The following LINGO1 variants were observed in gnomAD, a reference collection of about 807,000 sequenced individuals.
LINGO1 encodes leucine rich repeat and Ig domain containing 1.
A neutral mutation model predicts 37.3 loss-of-function variants in LINGO1; 11 were observed. The observed-to-expected ratio is 0.29, with a 90% CI of 0.19 to 0.49. The LOEUF is 0.49. LINGO1 is among the 20% of genes least tolerant of loss of function. The pLI is 0.99. For missense variants in LINGO1, 585 were observed against 878.2 expected (o/e 0.67, Z 4.22); for synonymous variants, 387 against 403.0 (o/e 0.96, Z 0.48).
intron 1 of LINGO1, among the ~76,000 whole-genome samples, chr15:77,805,684 C>T (rs1289752939): frequency 6.6e-6 from 1 of 152,148 alleles, no homozygotes; most frequent in East Asian, 1.9e-4. Context: ...CAGTCTCTAC[C>T]ACCCCATATT....
chr15:77,754,038 G>A (rs2076396069), intron 1 of LINGO1, among the ~76,000 whole-genome samples: 1 of 152,032 alleles, frequency 6.6e-6, no homozygotes, highest in African/African-American at 2.4e-5. Flanking sequence ...CATTTGCTGT[G>A]GAAAAGCAGG....
chr15:77,623,663 C>T (rs1357416484), intron 1 of LINGO1, among the ~76,000 whole-genome samples: 2 of 152,074 alleles, frequency 1.3e-5, no homozygotes, highest in African/African-American at 2.4e-5. Flanking sequence ...GGGGTTGGTC[C>T]GCCCCGCCCC....
chr15:77,761,753 A>T (rs1360890238), intron 1 of LINGO1, among the ~76,000 whole-genome samples: 2 of 152,196 alleles, frequency 1.3e-5, no homozygotes, highest in African/African-American at 4.8e-5. Flanking sequence ...GAGTCCCCTC[A>T]CTAGGTGTCT....
chr15:77,630,033 G>C (rs909780231), intron 1 of LINGO1, among the ~76,000 whole-genome samples: 40 of 152,116 alleles, frequency 2.6e-4, no homozygotes, highest in African/African-American at 9.7e-4. Flanking sequence ...AAACAGAACA[G>C]AAAGCCTCCA....
At chr15:77,705,277 C>A (rs1488059142) in intron 2 of LINGO1, among the ~76,000 whole-genome samples, 1 of 151,978 alleles carries the variant, frequency 6.6e-6, no homozygotes, top group Non-Finnish European at 1.5e-5. Context: ...GACCACAACT[C>A]CACAACCCAA....
At chr15:77,675,693 G>C (rs2075315728) in intron 3 of LINGO1, among the ~76,000 whole-genome samples, 2 of 152,210 alleles carry the variant, frequency 1.3e-5, no homozygotes, top group Admixed American at 6.5e-5. Flanking sequence ...TAGATGGATA[G>C]ACGGATGAAT....
At chr15:77,818,419 A>G (rs566836844) in intron 1 of LINGO1, among the ~76,000 whole-genome samples, 1 of 152,228 alleles carries the variant, frequency 6.6e-6, no homozygotes, top group Non-Finnish European at 1.5e-5. Flanking sequence ...ACAATGGGAG[A>G]GGGTACAAAG....
chr15:77,747,696 T>G (rs984906483), intron 1 of LINGO1, among the ~76,000 whole-genome samples: 1 of 152,182 alleles, frequency 6.6e-6, no homozygotes, highest in Non-Finnish European at 1.5e-5. Flanking sequence ...GCTGCACCAA[T>G]GCAGAGCCAG....
chr15:77,794,561 T>TATAC (rs2076854697), intron 2 of LINGO1, among the ~76,000 whole-genome samples: 1 of 107,614 alleles, frequency 9.3e-6, no homozygotes, highest in South Asian at 2.7e-4. Flanking sequence ...TGTGTATATA[T>TATAC]ACACACACAC....
At position 77,805,810 on chromosome 15, in the gene LINGO1, T is replaced by C. The variant is rs530238730; in HGVS notation, c.-457-9757A>G. ...GGAACAAGTGTGAGCTGGGCATTGA[T>C]CAAGGAAGGTTTCTTGAAGGAGACA... On this transcript the variant is annotated intron_variant, in intron 1 of 5. Coordinates refer to the LINGO1 transcript ENST00000562933. Among the ~76,000 whole-genome samples the C allele has an allele frequency of 5.9e-4, 90 of 152,082 alleles. 2 individuals carry two copies. In the South Asian group the frequency reaches 0.017, roughly 29 times the overall value.
intron 1 of LINGO1, among the ~76,000 whole-genome samples, chr15:77,693,636 T>C (rs1567527116): frequency 1.3e-5 from 2 of 152,158 alleles, no homozygotes; most frequent in East Asian, 1.9e-4. Flanking sequence ...AAGTGGAGAT[T>C]GAACTCAAGG....
intron 2 of LINGO1, among the ~76,000 whole-genome samples, chr15:77,702,801 T>C (rs1443737517): frequency 6.6e-6 from 1 of 152,202 alleles, no homozygotes; most frequent in Non-Finnish European, 1.5e-5. Flanking sequence ...CACCCAGCTT[T>C]TCCCAGCAGC....
rs1420378464 is a variant in LINGO1 at position 77,796,727 on chromosome 15, A to T, written c.-457-674T>A. Among the ~76,000 whole-genome samples the T allele has an allele frequency of 4.8e-3, 569 of 117,868 alleles. 5 individuals carry two copies. The highest frequency in any genetic ancestry group is 0.016 in the African/African-American group (533 of 33,406). 77.3% of individuals were successfully genotyped at this position (117,868 alleles called of 152,430 possible). On this transcript the variant is annotated intron_variant, in intron 1 of 5. Coordinates refer to the LINGO1 transcript ENST00000562933. Reference sequence around the variant, plus strand: ...CTCTCCTGCCTTTTTTTTTTTTTTTAAAGAGGCAGAGTCTTGCTCTGCCAC... The same window carrying T: ...CTCTCCTGCCTTTTTTTTTTTTTTTTAAGAGGCAGAGTCTTGCTCTGCCAC...
chr15:77,747,238 C>G (rs1275247727), intron 1 of LINGO1, among the ~76,000 whole-genome samples: 6 of 152,218 alleles, frequency 3.9e-5, no homozygotes, highest in Admixed American at 2.0e-4. Context: ...CCTCCTCTCC[C>G]CTGGCAACAC....
intron 3 of LINGO1, among the ~76,000 whole-genome samples, chr15:77,646,953 A>C (rs981089640): frequency 1.6e-4 from 24 of 152,198 alleles, no homozygotes; most frequent in Middle Eastern, 3.4e-3. Flanking sequence ...GAGTATCCCC[A>C]CTTTACAGGG....
chr15:77,724,881 C>T (rs149091093), intron 2 of LINGO1, among the ~76,000 whole-genome samples: 117 of 152,324 alleles, frequency 7.7e-4, no homozygotes, highest in African/African-American at 2.7e-3. Flanking sequence ...ACAGCCAAAT[C>T]ACCCACACCC....
At chr15:77,706,908 T>A (rs1217270835) in intron 2 of LINGO1, among the ~76,000 whole-genome samples, 1 of 152,062 alleles carries the variant, frequency 6.6e-6, no homozygotes, top group Non-Finnish European at 1.5e-5. Flanking sequence ...ATAGCCAGAG[T>A]CCCAGAGGAG....
At chr15:77,777,520 G>A (rs1459658443) in intron 1 of LINGO1, among the ~76,000 whole-genome samples, 1 of 151,682 alleles carries the variant, frequency 6.6e-6, no homozygotes, top group African/African-American at 2.4e-5. Flanking sequence ...AACACAGTGC[G>A]AGTGCACGCC....
intron 2 of LINGO1, among the ~76,000 whole-genome samples, chr15:77,717,768 G>A (rs1334962481): frequency 6.6e-6 from 1 of 150,656 alleles, no homozygotes; most frequent in Non-Finnish European, 1.5e-5. Flanking sequence ...GGGTGCAGCG[G>A]AGGCCCTGCT....
Sources: allele counts gnomAD v4.1 joint callset (sites outside exome capture counted in the v4.1 genomes callset), GRCh38; gene constraint gnomAD v4.1.1; transcripts MANE v1.5; gene names NCBI Gene and HGNC (gene_info 2026-07-23, HGNC 2026-07-21).